The following ELAPOR2 variants were observed in gnomAD, a reference collection of about 807,000 sequenced individuals.
The protein encoded by ELAPOR2 is endosome-lysosome associated apoptosis and autophagy regulator family member 2.
ELAPOR2 carries 89 observed loss-of-function variants against 120.7 expected under a neutral mutation model. The observed-to-expected ratio is 0.74, with a 90% CI of 0.62 to 0.88. ELAPOR2 has a LOEUF of 0.88. ELAPOR2 is among the 40% of genes least tolerant of loss of function. ELAPOR2 has a pLI of 0.00. For synonymous variants in ELAPOR2, 444 were observed against 444.9 expected (o/e 1.00, Z 0.03); for missense variants, 1,134 against 1,251.6 (o/e 0.91, Z 1.42).
intron 20 of ELAPOR2, 136 bp from the exon 21 acceptor site, chr7:86,892,025 C>G (rs1788191299): frequency 3.5e-6 from 2 of 576,338 alleles, no homozygotes; most frequent in Admixed American, 3.3e-5. Flanking sequence ...ATTTCCCTAG[C>G]CTATAGCCAT....
chr7:86,880,441 C>A lies in ELAPOR2; in HGVS notation c.*30G>T. The A allele has an allele frequency of 1.3e-6, 2 of 1,531,238 alleles. No individual in the cohort carries two copies. The highest frequency in any genetic ancestry group is 1.1e-5 in the South Asian group (1 of 88,994). 94.9% of individuals were successfully genotyped at this position (1,531,238 alleles called of 1,614,324 possible). On this transcript the variant is annotated 3_prime_UTR_variant, in exon 22 of 22. Coordinates refer to ENST00000450689, the MANE Select transcript of ELAPOR2 (RefSeq NM_001142749.3). ...TAAAACTAGAGCAGGTTTCTTTGTTCATTAGTCTCAAGGCTACAGCACTGT... is the reference window on the plus strand; with the variant it reads ...TAAAACTAGAGCAGGTTTCTTTGTTAATTAGTCTCAAGGCTACAGCACTGT...
At chr7:86,994,900 C>A (rs188118480) in intron 1 of ELAPOR2, among the ~76,000 whole-genome samples, 3 of 150,660 alleles carry the variant, frequency 2.0e-5, no homozygotes, top group Admixed American at 1.3e-4. Context: ...TGTTAGAATA[C>A]CTTAGGTTAC....
chr7:86,973,125 C>A (rs60623709), intron 1 of ELAPOR2, among the ~76,000 whole-genome samples: 12,255 of 152,036 alleles, frequency 0.081, 604 homozygotes, highest in African/African-American at 0.12. Flanking sequence ...CTTGCCCACA[C>A]CTACTACACT....
At chr7:87,029,156 A>G (rs537136767) in intron 1 of ELAPOR2, among the ~76,000 whole-genome samples, 1 of 152,236 alleles carries the variant, frequency 6.6e-6, no homozygotes, top group East Asian at 1.9e-4. Flanking sequence ...TTACCATTTC[A>G]TAATCTCCAT....
intron 1 of ELAPOR2, among the ~76,000 whole-genome samples, chr7:87,022,975 A>G (rs1427300626): frequency 1.4e-4 from 21 of 151,806 alleles, no homozygotes; most frequent in South Asian, 1.2e-3. Context: ...CTGGATATTA[A>G]CCCTTTGTCA....
At chr7:87,023,974 A>G (rs968598789) in intron 1 of ELAPOR2, among the ~76,000 whole-genome samples, 2 of 152,254 alleles carry the variant, frequency 1.3e-5, no homozygotes, top group East Asian at 3.9e-4. Context: ...GGCTGAGACG[A>G]TGGGGTTTTC....
chr7:86,949,215 A>G (rs552097620), intron 2 of ELAPOR2, among the ~76,000 whole-genome samples: 1 of 152,350 alleles, frequency 6.6e-6, no homozygotes, highest in East Asian at 1.9e-4. Context: ...TGCTGGCTAC[A>G]TAGTCAAAAC....
chr7:87,008,605 G>C (rs1793558897), intron 1 of ELAPOR2, among the ~76,000 whole-genome samples: 1 of 152,188 alleles, frequency 6.6e-6, no homozygotes, highest in African/African-American at 2.4e-5. Flanking sequence ...ATATTGGCCA[G>C]GCTGGTCTCA....
intron 2 of ELAPOR2, among the ~76,000 whole-genome samples, chr7:86,949,938 A>T (rs1791173175): frequency 6.6e-6 from 1 of 152,226 alleles, no homozygotes. Context: ...CCTTCAAGCC[A>T]GGGAGGCTCT....
At chr7:86,987,724 T>C (rs1019966969) in intron 1 of ELAPOR2, among the ~76,000 whole-genome samples, 4 of 151,694 alleles carry the variant, frequency 2.6e-5, no homozygotes, top group Non-Finnish European at 5.9e-5. Flanking sequence ...TGTGGAGAAA[T>C]AGGAACGCTT....
intron 1 of ELAPOR2, among the ~76,000 whole-genome samples, chr7:86,986,535 A>C (rs1308865626): frequency 7.4e-6 from 1 of 135,694 alleles, no homozygotes; most frequent in Non-Finnish European, 1.6e-5. Context: ...CAAAAATCAC[A>C]GGCATTCCTA....
chr7:86,983,298 C>T (rs965285115), intron 1 of ELAPOR2, among the ~76,000 whole-genome samples: 1 of 152,162 alleles, frequency 6.6e-6, no homozygotes, highest in African/African-American at 2.4e-5. Context: ...CCCAACCTAG[C>T]AAGGCAGGCC....
intron 1 of ELAPOR2, among the ~76,000 whole-genome samples, chr7:87,011,264 A>AAAAAGAAAAG (rs56248486): frequency 2.4e-4 from 32 of 133,800 alleles, no homozygotes; most frequent in South Asian, 2.2e-3. Flanking sequence ...AAAAAAAAAA[A>AAAAAGAAAAG]AAAAGAAAAG....
At chr7:87,045,642 A>C (rs970638409) in intron 1 of ELAPOR2, among the ~76,000 whole-genome samples, 2 of 151,668 alleles carry the variant, frequency 1.3e-5, no homozygotes, top group Admixed American at 1.3e-4. Context: ...TAGCATTGGG[A>C]GATATACCTA....
At chr7:86,934,004 T>C (rs1471549665) in intron 8 of ELAPOR2, among the ~76,000 whole-genome samples, 1 of 152,066 alleles carries the variant, frequency 6.6e-6, no homozygotes, top group Non-Finnish European at 1.5e-5. Flanking sequence ...TGGGCACTAA[T>C]TGTTTTAAAC....
chr7:87,053,456 C>T (rs1178525540), intron 1 of ELAPOR2, among the ~76,000 whole-genome samples: 1 of 152,094 alleles, frequency 6.6e-6, no homozygotes, highest in East Asian at 1.9e-4. Context: ...GTGACCCCCT[C>T]TGGGCATATG....
chr7:87,014,494 T>C (rs960601126), intron 1 of ELAPOR2, among the ~76,000 whole-genome samples: 2 of 152,176 alleles, frequency 1.3e-5, no homozygotes, highest in African/African-American at 2.4e-5. Flanking sequence ...CAGAATGTAA[T>C]GGCCAAACAC....
At chr7:86,993,938 T>C (rs981074818) in intron 1 of ELAPOR2, among the ~76,000 whole-genome samples, 4 of 152,184 alleles carry the variant, frequency 2.6e-5, no homozygotes, top group African/African-American at 7.2e-5. Context: ...ATTCAATACC[T>C]CTCCTCAATT....
At chr7:86,885,484 C>G in intron 21 of ELAPOR2, among the ~76,000 whole-genome samples, 1 of 152,134 alleles carries the variant, frequency 6.6e-6, no homozygotes, top group East Asian at 1.9e-4. Flanking sequence ...GATTCTCTCT[C>G]TCTTCAGTCT....
Sources: allele counts gnomAD v4.1 joint callset (sites outside exome capture counted in the v4.1 genomes callset), GRCh38; gene constraint gnomAD v4.1.1; transcripts MANE v1.5; gene names NCBI Gene and HGNC (gene_info 2026-07-23, HGNC 2026-07-21).